Variants in MYO5C observed in about 807,000 individuals in gnomAD.
MYO5C encodes the protein myosin VC.
A neutral mutation model predicts 235.7 loss-of-function variants in MYO5C; 194 were observed. The observed-to-expected ratio is 0.82, with a 90% confidence interval of 0.73 to 0.93. The LOEUF (loss-of-function observed/expected upper bound fraction) is 0.93, where lower values mean the gene tolerates loss of function less well. Among genes scored for constraint, MYO5C ranks in the 40% least tolerant of loss-of-function variants. The probability of loss-of-function intolerance (pLI) is 0.00; values close to 1 mark genes in which losing one functional copy is unlikely to be tolerated. For synonymous variants in MYO5C, 707 were observed against 754.8 expected, an observed-to-expected ratio of 0.94 and a Z score of 1.04; for missense variants, 2,038 against 2,127.2, an observed-to-expected ratio of 0.96 and a Z score of 0.82.
chr15:52,259,277 G>A (rs765185712), intron 10 of MYO5C, among the ~76,000 whole-genome samples: 4 of 151,846 alleles, frequency 2.6e-5, no homozygotes, highest in Admixed American at 1.3e-4. Flanking sequence ...AAAATCAGCC[G>A]GGCGTAGTGG....
Position 52,282,010 on chromosome 15 carries a change from A to G in MYO5C, c.138+772T>C, listed in dbSNP as rs1240118148. 2.0e-5 allele frequency among the ~76,000 whole-genome samples: 3 copies of G among 152,228 alleles called. No homozygotes were observed. The East Asian group carries it at 5.8e-4, about 29-fold the overall frequency. The stretch of plus-strand genomic sequence containing the variant: ...AATCCAGTGGGATGTCACTACAGCA[A>G]TGGTGGGCAAGGACAACTCATGAGG... On this transcript the variant is annotated intron_variant, in intron 2 of 40. Transcript: ENST00000261839.
At chr15:52,286,679 C>T (rs1399014994) in intron 1 of MYO5C, among the ~76,000 whole-genome samples, 1 of 152,110 alleles carries the variant, frequency 6.6e-6, no homozygotes, top group African/African-American at 2.4e-5. Flanking sequence ...GCTGTGTCCA[C>T]TCAGGGTTAA....
chr15:52,267,807 G>A (rs1332205348), intron 8 of MYO5C, among the ~76,000 whole-genome samples: 2 of 152,232 alleles, frequency 1.3e-5, no homozygotes, highest in Middle Eastern at 3.4e-3. Flanking sequence ...CTGTGAGGAG[G>A]AGGACATAAT....
intron 21 of MYO5C, among the ~76,000 whole-genome samples, chr15:52,238,656 T>G (rs2036143587): frequency 1.3e-5 from 2 of 152,222 alleles, no homozygotes; most frequent in African/African-American, 4.8e-5. Context: ...TGCCTGTTTT[T>G]TGAGATGGAG....
rs761301342 is a variant in MYO5C at position 52,247,555 on chromosome 15, G to A, written c.1784C>T (p.Thr595Ile). ...CATTGAACCAAAAGGAGAAGGAGGAGTTGGATTTTCTTGAAAAAAGTTGGC... is the reference window on the plus strand; with the variant it reads ...CATTGAACCAAAAGGAGAAGGAGGAATTGGATTTTCTTGAAAAAAGTTGGC... ...LCANFFQENP[T>I]PPSPFGSMIT... Residue 595 changes from threonine (T) to isoleucine (I), a missense_variant, in exon 15 of 41, where the codon ACT becomes ATT. Physicochemically the swap from Thr to Ile is moderately conservative, Grantham distance 89. Transcript: ENST00000261839. 10 of 1,614,082 alleles carry A rather than the reference G, an allele frequency of 6.2e-6. No individual in the cohort carries two copies. The highest frequency in any genetic ancestry group is 8.5e-6 in the Non-Finnish European group (10 of 1,180,040).
intron 34 of MYO5C, among the ~76,000 whole-genome samples, chr15:52,212,530 A>T (rs563871010): frequency 1.3e-5 from 2 of 152,306 alleles, no homozygotes; most frequent in South Asian, 4.1e-4. Flanking sequence ...CTCGCAGAAG[A>T]GGAAGGAAGG....
chr15:52,253,212 G>T, intron 12 of MYO5C, 105 bp downstream of exon 12: 1 of 1,137,666 alleles, frequency 8.8e-7, no homozygotes. Flanking sequence ...CAACCAACTG[G>T]ATAAACATCA....
At chr15:52,248,601 C>T (rs2036404055) in intron 14 of MYO5C, 99 bp downstream of exon 14, 2 of 867,098 alleles carry the variant, frequency 2.3e-6, no homozygotes, top group Non-Finnish European at 1.9e-6. Flanking sequence ...CACACACACA[C>T]ACACACTCTC....
chr15:52,295,256 A>T (rs2037474807), intron 1 of MYO5C, among the ~76,000 whole-genome samples: 1 of 152,092 alleles, frequency 6.6e-6, no homozygotes, highest in Non-Finnish European at 1.5e-5. Flanking sequence ...ATGGGGACGC[A>T]CGCGCGACCC....
At chr15:52,258,912 C>T (rs995422196) in intron 10 of MYO5C, among the ~76,000 whole-genome samples, 9 of 152,208 alleles carry the variant, frequency 5.9e-5, no homozygotes, top group African/African-American at 2.2e-4. Flanking sequence ...CACCGTCCAG[C>T]TCACTACTCC....
At chr15:52,267,881 G>C (rs1194194489) in intron 8 of MYO5C, among the ~76,000 whole-genome samples, 2 of 152,136 alleles carry the variant, frequency 1.3e-5, no homozygotes, top group Non-Finnish European at 2.9e-5. Flanking sequence ...ATATCCTTCA[G>C]CCCAGCCAGA....
rs201222931 is a variant in MYO5C at position 52,220,577 on chromosome 15, G to A, written c.3721+585C>T. On this transcript the variant is annotated intron_variant, in intron 30 of 40. Coordinates refer to ENST00000261839, the MANE Select transcript of MYO5C (RefSeq NM_018728.4). ...CTCACGGCTGTAATCCCAGAACATC[G>A]GGAAGCCAAGGTAGGTGGATCACCT... Among the ~76,000 whole-genome samples the A allele has an allele frequency of 9.2e-5, 14 of 152,050 alleles. No individual in the cohort carries two copies. In the East Asian group the frequency reaches 1.7e-3, roughly 19 times the overall value.
At chr15:52,251,593 G>C in intron 12 of MYO5C, 78 bp from the exon 13 acceptor site, 1 of 1,199,754 alleles carries the variant, frequency 8.3e-7, no homozygotes, top group Non-Finnish European at 1.1e-6. Context: ...CTAATTCTAA[G>C]AAACCAAGGT....
intron 35 of MYO5C, among the ~76,000 whole-genome samples, chr15:52,209,931 A>G (rs11632174): frequency 0.53 from 79,948 of 152,034 alleles, 24,994 homozygotes; most frequent in Non-Finnish European, 0.71. Flanking sequence ...TAGTTTTTAT[A>G]TTTCTTTCTT....
rs1199886928 is a variant in MYO5C, at chr15:52,256,664, T to C, written c.1370A>G (p.Glu457Gly). 1 of 1,613,504 alleles carries C rather than the reference T, an allele frequency of 6.2e-7. No individual in the cohort carries two copies. The highest frequency in any genetic ancestry group is 1.3e-5 in the African/African-American group (1 of 74,824). Residue 457 changes from glutamate (E) to glycine (G), a missense_variant, in exon 11 of 41, where the codon GAA becomes GGA. Physicochemically the swap from Glu to Gly is moderately conservative, Grantham distance 98. Transcript: ENST00000261839. ...CATGTTAAACTGTTGTTGCAGTTTTTCATTAGCGTAATTGATGCAAAATTG... is the reference window on the plus strand; with the variant it reads ...CATGTTAAACTGTTGTTGCAGTTTTCCATTAGCGTAATTGATGCAAAATTG... ...FEQFCINYAN[E>G]KLQQQFNMHV...
chr15:52,251,378 C>G lies in MYO5C; in HGVS notation c.1662+12G>C. ...CCGGGGTTGACAGCATTGATGGAGA[C>G]CTTCACGGTACCTTATCAGCAAAGT... On this transcript the variant is annotated intron_variant, in intron 13 of 40. Coordinates refer to ENST00000261839, the MANE Select transcript of MYO5C (RefSeq NM_018728.4). The G allele has an allele frequency of 6.3e-7, 1 of 1,587,888 alleles. No homozygotes were observed. Among genetic ancestry groups the G allele is most frequent in the South Asian group, 1.1e-5 (1 of 87,174 alleles).
intron 30 of MYO5C, among the ~76,000 whole-genome samples, chr15:52,220,824 CAA>C (rs34395430): frequency 3.6e-4 from 43 of 118,576 alleles, no homozygotes; most frequent in East Asian, 1.7e-3. Flanking sequence ...AACTCAGTCT[CAA>C]AAAAAAAAAA....
intron 1 of MYO5C, among the ~76,000 whole-genome samples, chr15:52,292,083 C>A (rs921618175): frequency 6.6e-6 from 1 of 152,030 alleles, no homozygotes; most frequent in Admixed American, 6.6e-5. Flanking sequence ...ACTGTTGTGC[C>A]CCATTTTTCA....
intron 36 of MYO5C, among the ~76,000 whole-genome samples, chr15:52,208,326 T>G (rs1234688652): frequency 6.6e-6 from 1 of 152,252 alleles, no homozygotes; most frequent in African/African-American, 2.4e-5. Flanking sequence ...AGTCATCTTA[T>G]CTACCTATTG....
Sources: allele counts gnomAD v4.1 joint callset (sites outside exome capture counted in the v4.1 genomes callset), GRCh38; gene constraint gnomAD v4.1.1; transcripts MANE v1.5; gene names NCBI Gene and HGNC (gene_info 2026-07-23, HGNC 2026-07-21).